The following HDAC4 variants were observed in gnomAD, a reference collection of about 807,000 sequenced individuals.
HDAC4 encodes the protein histone deacetylase A.
HDAC4 carries 16 observed loss-of-function variants against 135.1 expected under a neutral mutation model. That is an observed-to-expected ratio of 0.12 (90% CI 0.08 to 0.18). The LOEUF is 0.18. Ranked by LOEUF, HDAC4 falls within the 10% of genes least tolerant of loss-of-function variation. The probability of loss-of-function intolerance (pLI) is 1.00; values close to 1 mark genes in which losing one functional copy is unlikely to be tolerated. For synonymous variants in HDAC4, 685 were observed against 653.4 expected, an observed-to-expected ratio of 1.05 and a Z score of -0.74; for missense variants, 1,143 against 1,511.8, an observed-to-expected ratio of 0.76 and a Z score of 4.05.
At chr2:239,101,171 T>C (rs1486233104) in intron 16 of HDAC4, among the ~76,000 whole-genome samples, 4 of 152,148 alleles carry the variant, frequency 2.6e-5, no homozygotes, top group Non-Finnish European at 2.9e-5. Context: ...CCCTTCTCAC[T>C]TTCCCCAAAC....
At chr2:239,096,353 A>C (rs116225432) in intron 16 of HDAC4, among the ~76,000 whole-genome samples, 47,655 of 94,246 alleles carry the variant, frequency 0.51, 10,052 homozygotes, top group African/African-American at 0.61. Flanking sequence ...CCCACACCCC[A>C]CCGACAGATG....
chr2:239,338,174 G>A (rs926429727), intron 2 of HDAC4, among the ~76,000 whole-genome samples: 2 of 152,148 alleles, frequency 1.3e-5, no homozygotes, highest in African/African-American at 2.4e-5. Flanking sequence ...GCCACCAGCT[G>A]GACGTGTTTT....
At chr2:239,376,744 T>C (rs113907698) in intron 1 of HDAC4, among the ~76,000 whole-genome samples, 4 of 151,948 alleles carry the variant, frequency 2.6e-5, no homozygotes, top group African/African-American at 9.7e-5. Context: ...AAAGCCACAG[T>C]GCTCAACAGA....
rs185301379 is a variant in HDAC4 at position 239,366,690 on chromosome 2, G to C, written c.-219-13772C>G. Among the ~76,000 whole-genome samples the C allele has an allele frequency of 3.9e-5, 6 of 152,276 alleles. No homozygotes were observed. In the East Asian group the frequency reaches 1.2e-3, roughly 29 times the overall value. On this transcript the variant is annotated intron_variant, in intron 1 of 26. Coordinates refer to ENST00000543185, the MANE Select transcript of HDAC4 (RefSeq NM_001378414.1). ...CAGAAGGCCCAAGGATTTGACTTAC[G>C]GTGTGAAACGCTGGGCTCAATGGAT...
Position 239,090,648 on chromosome 2 carries a change from A to AG in HDAC4, c.2281-533dup, listed in dbSNP as rs200999147. Reference sequence around the variant, plus strand: ...ACACAGTGAGGCTCTGTCTCCAAAAAGGAAAAAAAAAAAACTGGAAACTTT... The same window carrying AG: ...ACACAGTGAGGCTCTGTCTCCAAAAAGGGAAAAAAAAAAAACTGGAAACTTT... On this transcript the variant is annotated intron_variant, in intron 17 of 26. Coordinates refer to ENST00000543185, the MANE Select transcript of HDAC4 (RefSeq NM_001378414.1). Among the ~76,000 whole-genome samples the AG allele has an allele frequency of 1.9e-4, 21 of 110,932 alleles. No individual in the cohort carries two copies. The East Asian group carries it at 6.6e-3, about 35-fold the overall frequency. 72.8% of individuals were successfully genotyped at this position (110,932 alleles called of 152,430 possible). A position where few individuals can be genotyped will look rare whatever the true frequency, so the allele number is the denominator to read the frequency against.
intron 4 of HDAC4, among the ~76,000 whole-genome samples, chr2:239,182,470 G>C (rs1201274482): frequency 1.3e-5 from 2 of 152,224 alleles, no homozygotes; most frequent in South Asian, 2.1e-4. Context: ...AACCATGGCT[G>C]CTGGGGATTA....
At chr2:239,235,527 G>GCCCT (rs2047836226) in intron 3 of HDAC4, among the ~76,000 whole-genome samples, 2 of 152,226 alleles carry the variant, frequency 1.3e-5, no homozygotes, top group Non-Finnish European at 2.9e-5. Context: ...CAGCCACACT[G>GCCCT]CCCTGCAGGA....
chr2:239,351,795 G>A (rs576052992), intron 2 of HDAC4: 4 of 154,502 alleles, frequency 2.6e-5, no homozygotes, highest in African/African-American at 9.6e-5. Flanking sequence ...AGAGCCTCAG[G>A]TGCCTGTCCA....
At chr2:239,237,091 G>T (rs912324602) in intron 2 of HDAC4, among the ~76,000 whole-genome samples, 4 of 152,158 alleles carry the variant, frequency 2.6e-5, no homozygotes, top group African/African-American at 9.7e-5. Context: ...CTCGGAACCC[G>T]CCAGGTGTGC....
chr2:239,060,399 A>G (rs966849457), intron 24 of HDAC4, among the ~76,000 whole-genome samples: 1 of 152,168 alleles, frequency 6.6e-6, no homozygotes, highest in Non-Finnish European at 1.5e-5. Flanking sequence ...AATTCACCCC[A>G]CTAAGAACAA....
At chr2:239,160,566 T>A (rs892673336) in intron 6 of HDAC4, among the ~76,000 whole-genome samples, 2 of 152,256 alleles carry the variant, frequency 1.3e-5, no homozygotes, top group Non-Finnish European at 2.9e-5. Context: ...TTCCCATCAG[T>A]GGAGTCATGG....
At chr2:239,250,747 G>T (rs2048739038) in intron 2 of HDAC4, among the ~76,000 whole-genome samples, 1 of 152,220 alleles carries the variant, frequency 6.6e-6, no homozygotes, top group Non-Finnish European at 1.5e-5. Flanking sequence ...GTTTTCAGTG[G>T]CCTGACTGTG....
intron 3 of HDAC4, among the ~76,000 whole-genome samples, chr2:239,212,574 A>T (rs554473076): frequency 2.0e-5 from 3 of 152,290 alleles, no homozygotes; most frequent in Admixed American, 2.0e-4. Flanking sequence ...GTGACCCCTC[A>T]TCCCTTCTGC....
chr2:239,286,519 T>TGGGAAGGAA (rs140026266), intron 2 of HDAC4, among the ~76,000 whole-genome samples: 5 of 151,964 alleles, frequency 3.3e-5, no homozygotes, highest in South Asian at 4.2e-4. Flanking sequence ...TCTGCAGGAC[T>TGGGAAGGAA]GGGAAGGAAG....
At position 239,052,501 on chromosome 2, in the gene HDAC4, T is replaced by TTTTG. The variant is rs1437172769; in HGVS notation, c.*592_*595dup. The TTTTG allele has an allele frequency of 5.2e-5, 8 of 153,066 alleles. No individual in the cohort carries two copies. The highest frequency in any genetic ancestry group is 1.9e-4 in the African/African-American group (8 of 41,370). The allele number at this position is 153,066 out of a possible 1,614,324, so 9.5% of individuals were successfully genotyped here. On this transcript the variant is annotated 3_prime_UTR_variant, in exon 27 of 27. Coordinates refer to ENST00000543185, the MANE Select transcript of HDAC4 (RefSeq NM_001378414.1). ...AGCTCACATTCCTGTTTCTGTCCAG[T>TTTTG]TTTGTTTTCTTTAAAGGTCCCTCTG...
chr2:239,114,995 G>A, intron 13 of HDAC4, 58 bp downstream of exon 13: 2 of 1,593,932 alleles, frequency 1.3e-6, no homozygotes, highest in South Asian at 1.1e-5. Context: ...GATGCCACCT[G>A]GGGACCGAGG....
intron 3 of HDAC4, among the ~76,000 whole-genome samples, chr2:239,197,752 G>A (rs1048868069): frequency 5.3e-5 from 8 of 151,866 alleles, no homozygotes; most frequent in African/African-American, 1.9e-4. Flanking sequence ...AATGGACCCT[G>A]GATATTCTTT....
intron 2 of HDAC4, among the ~76,000 whole-genome samples, chr2:239,270,683 A>G (rs919643090): frequency 6.6e-6 from 1 of 152,252 alleles, no homozygotes; most frequent in African/African-American, 2.4e-5. Flanking sequence ...TACATGCACT[A>G]ACAGGGAACT....
At chr2:239,209,876 A>G (rs2046266342) in intron 3 of HDAC4, among the ~76,000 whole-genome samples, 1 of 152,202 alleles carries the variant, frequency 6.6e-6, no homozygotes, top group African/African-American at 2.4e-5. Context: ...CAGGGGAAAC[A>G]AAGGATCAAA....
Sources: gnomAD v4.1 joint callset for allele counts (sites outside exome capture counted in the v4.1 genomes callset) on GRCh38, gnomAD v4.1.1 for gene constraint, MANE v1.5 for transcripts, NCBI Gene and HGNC (gene_info 2026-07-23, HGNC 2026-07-21) for gene names.